Variants in HHLA1 observed in about 807,000 individuals in gnomAD.
HHLA1 encodes the protein HERV-H LTR-associating protein 1.
A neutral mutation model predicts 69.9 loss-of-function variants in HHLA1; 72 were observed. The ratio of observed to expected loss-of-function variants is 1.03; its 90% CI spans 0.85 to 1.25. HHLA1 has a LOEUF of 1.25. Ranked by LOEUF, HHLA1 falls within the 50% of genes most tolerant of loss-of-function variation. The pLI is 0.00. For missense variants in HHLA1, 685 were observed against 642.2 expected (o/e 1.07, Z -0.72); for synonymous variants, 252 against 233.2 (o/e 1.08, Z -0.73).
At chr8:132,074,377 G>T (rs768670529) in intron 14 of HHLA1, among the ~76,000 whole-genome samples, 7 of 151,864 alleles carry the variant, frequency 4.6e-5, no homozygotes, top group Non-Finnish European at 8.8e-5. Context: ...TGACACAGAG[G>T]TGTGGAATAA....
intron 13 of HHLA1, 113 bp downstream of exon 13, chr8:132,076,362 T>A: frequency 2.6e-6 from 2 of 783,170 alleles, no homozygotes; most frequent in South Asian, 3.6e-5. Context: ...TAAAGCAGAG[T>A]AACCTGCTTA....
chr8:132,097,363 G>A (rs182305644), intron 5 of HHLA1, among the ~76,000 whole-genome samples: 2 of 152,250 alleles, frequency 1.3e-5, no homozygotes, highest in South Asian at 2.1e-4. Context: ...CAACAAGTTT[G>A]GGAAACTTTG....
At chr8:132,098,408 T>A (rs1330829507) in intron 5 of HHLA1, among the ~76,000 whole-genome samples, 2 of 152,192 alleles carry the variant, frequency 1.3e-5, no homozygotes, top group Admixed American at 6.5e-5. Context: ...TCAAAATTCT[T>A]GTAAACCTTC....
At chr8:132,069,181 C>T (rs1054309432) in intron 15 of HHLA1, among the ~76,000 whole-genome samples, 6 of 152,130 alleles carry the variant, frequency 3.9e-5, no homozygotes, top group Admixed American at 2.6e-4. Flanking sequence ...CTCCAGGCTA[C>T]CCGTGACTCC....
intron 10 of HHLA1, among the ~76,000 whole-genome samples, chr8:132,086,068 G>A (rs939220458): frequency 6.6e-6 from 1 of 152,110 alleles, no homozygotes; most frequent in East Asian, 1.9e-4. Flanking sequence ...TGAAAAACAG[G>A]CTCCCATAGA....
Position 132,095,798 on chromosome 8 carries a change from T to G in HHLA1, c.281-12A>C, listed in dbSNP as rs1174099760. 14 of 1,536,472 alleles carry G rather than the reference T, an allele frequency of 9.1e-6. No individual in the cohort carries two copies. The African/African-American group carries it at 1.9e-4, about 21-fold the overall frequency. ...GAACTTCTTGCTATCTGCCAAAACA[T>G]ACCAGATAAAGAGACAGACAGATGC... On this transcript the variant is annotated splice_polypyrimidine_tract_variant and intron_variant, in intron 5 of 16. Transcript: ENST00000414222.
chr8:132,080,127 C>G, intron 10 of HHLA1, 161 bp from the exon 11 acceptor site: 1 of 962,248 alleles, frequency 1.0e-6, no homozygotes, highest in South Asian at 1.4e-5. Flanking sequence ...GATTCTGACC[C>G]CTGTCAGAGC....
intron 10 of HHLA1, among the ~76,000 whole-genome samples, chr8:132,085,072 C>T (rs983942355): frequency 4.6e-5 from 7 of 152,070 alleles, no homozygotes; most frequent in African/African-American, 1.7e-4. Flanking sequence ...GGAGTACTTG[C>T]CCCTTCCCCA....
chr8:132,090,122 C>T lies in HHLA1; in HGVS notation c.449-523G>A, dbSNP rs111709269. Among the ~76,000 whole-genome samples, 117 of 152,290 alleles carry T rather than the reference C, an allele frequency of 7.7e-4. 2 individuals carry two copies. The highest frequency in any genetic ancestry group is 1.9e-3 in the African/African-American group (77 of 41,570). Reference sequence around the variant, plus strand: ...TCACCAGGAACCTTTCCTTCTGCCCCCTTTTTAAAGGAACTGATGGTGGTG... The same window carrying T: ...TCACCAGGAACCTTTCCTTCTGCCCTCTTTTTAAAGGAACTGATGGTGGTG... On this transcript the variant is annotated intron_variant, in intron 7 of 16. Coordinates refer to ENST00000414222, the MANE Select transcript of HHLA1 (RefSeq NM_001145095.3).
At chr8:132,098,641 T>C (rs1824060585) in intron 5 of HHLA1, among the ~76,000 whole-genome samples, 4 of 151,884 alleles carry the variant, frequency 2.6e-5, no homozygotes, top group Admixed American at 6.6e-5. Context: ...TTTGTATTTT[T>C]TGTAAAGATG....
chr8:132,095,781 T>C lies in HHLA1; in HGVS notation c.286A>G (p.Lys96Glu). 2 of 1,549,578 alleles carry C rather than the reference T, an allele frequency of 1.3e-6. No homozygotes were observed. The highest frequency in any genetic ancestry group is 8.7e-7 in the Non-Finnish European group (1 of 1,145,808). Residue 96 changes from lysine (K) to glutamate (E), a missense_variant, in exon 6 of 17, where the codon AAG becomes GAG. Physicochemically the swap from Lys to Glu is moderately conservative, Grantham distance 56. Transcript: ENST00000414222. ...GMLSRALKDS[K>E]KFFSLLSVTS... is the part of the protein sequence containing the mutation. ...ACACTCAGCAAGGAGAAGAACTTCTTGCTATCTGCCAAAACATACCAGATA... is the reference window on the plus strand; with the variant it reads ...ACACTCAGCAAGGAGAAGAACTTCTCGCTATCTGCCAAAACATACCAGATA...
Position 132,077,802 on chromosome 8 carries a change from GTTCATGGC to G in HHLA1, c.1087_1094del (p.Ala363HisfsTer10), listed in dbSNP as rs752633601. The stretch of plus-strand genomic sequence containing the variant: ...CAGCAGGCGCCAAAAGGCTTGTAGT[GTTCATGGC>G]TTCCTCGGTCCCTGCAGTAGTCGGT... On this transcript the variant is annotated frameshift_variant, in exon 12 of 17. Transcript: ENST00000414222. LOFTEE classifies it high-confidence loss of function. 2.0e-5 allele frequency: 31 copies of G among 1,551,536 alleles called. No homozygotes were observed. The highest frequency in any genetic ancestry group is 2.7e-5 in the Non-Finnish European group (31 of 1,146,980).
intron 1 of HHLA1, among the ~76,000 whole-genome samples, chr8:132,110,211 G>A (rs557586364): frequency 6.6e-6 from 1 of 152,180 alleles, no homozygotes; most frequent in Non-Finnish European, 1.5e-5. Flanking sequence ...GTGTCAGCGG[G>A]TGTGGGCTAG....
chr8:132,109,120 C>T (rs942307596), intron 1 of HHLA1, among the ~76,000 whole-genome samples: 2 of 152,230 alleles, frequency 1.3e-5, no homozygotes, highest in Non-Finnish European at 2.9e-5. Context: ...CAACTCTCTG[C>T]CTCAGCCTCC....
intron 1 of HHLA1, 26 bp from the exon 2 acceptor site, chr8:132,105,312 G>A (rs1563750702): frequency 1.4e-6 from 2 of 1,418,464 alleles, no homozygotes; most frequent in South Asian, 1.2e-5. Flanking sequence ...CAAACACTTA[G>A]GAAACTAAGC....
chr8:132,101,542 AT>A (rs1183125385), intron 3 of HHLA1, among the ~76,000 whole-genome samples: 1 of 151,520 alleles, frequency 6.6e-6, no homozygotes, highest in African/African-American at 2.4e-5. Context: ...TTCATTTATA[AT>A]TTTATTGAAA....
At chr8:132,082,253 A>G (rs543950196) in intron 10 of HHLA1, among the ~76,000 whole-genome samples, 2 of 152,364 alleles carry the variant, frequency 1.3e-5, no homozygotes, top group African/African-American at 4.8e-5. Context: ...AGAACTGTAG[A>G]GAGTGAGTTG....
intron 14 of HHLA1, among the ~76,000 whole-genome samples, chr8:132,072,589 A>T (rs1823565476): frequency 6.6e-6 from 1 of 152,202 alleles, no homozygotes; most frequent in South Asian, 2.1e-4. Context: ...ATTACTAATA[A>T]TCTTCCAACA....
At chr8:132,101,766 G>C (rs1287141379) in intron 3 of HHLA1, among the ~76,000 whole-genome samples, 2 of 151,984 alleles carry the variant, frequency 1.3e-5, no homozygotes, top group African/African-American at 4.8e-5. Context: ...TAGATCTGGG[G>C]TTTCACCATG....
Sources: gnomAD v4.1 joint callset for allele counts (sites outside exome capture counted in the v4.1 genomes callset) on GRCh38, gnomAD v4.1.1 for gene constraint, MANE v1.5 for transcripts, NCBI Gene and HGNC (gene_info 2026-07-23, HGNC 2026-07-21) for gene names.